Variants in TTC39C observed in about 807,000 individuals in gnomAD.
TTC39C encodes tetratricopeptide repeat domain 39C, also known as tetratricopeptide repeat protein 39C.
In TTC39C, 33 loss-of-function variants were observed where a neutral mutation model predicts 76.3. The observed-to-expected ratio is 0.43, with a 90% CI of 0.33 to 0.58. TTC39C has a LOEUF of 0.58. Among genes scored for constraint, TTC39C ranks in the 20% least tolerant of loss-of-function variants. TTC39C has a pLI of 0.04. For synonymous variants in TTC39C, 254 were observed against 260.6 expected (o/e 0.97, Z 0.24); for missense variants, 595 against 701.4 (o/e 0.85, Z 1.71).
chr18:24,114,117 C>A, intron 6 of TTC39C: 1 of 266,796 alleles, frequency 3.7e-6, no homozygotes, highest in Non-Finnish European at 7.2e-6. Flanking sequence ...AATATGGTCC[C>A]TTCCCTTTCC....
intron 1 of TTC39C, among the ~76,000 whole-genome samples, chr18:24,052,953 G>A (rs2083971045): frequency 6.6e-6 from 1 of 152,158 alleles, no homozygotes; most frequent in Non-Finnish European, 1.5e-5. Flanking sequence ...AACTTTTTAG[G>A]AGAATCACAG....
In TTC39C at chr18:24,125,661, G is replaced by C. The variant is rs575714304; in HGVS notation, c.1420+111G>C. ...TTCATGTTTATCTCATCGGAGTCAG[G>C]GAGAGTACACATCTCTCCTTAGATA... On this transcript the variant is annotated intron_variant, in intron 10 of 13. Transcript: ENST00000317571. 65 of 1,370,968 alleles carry C rather than the reference G, an allele frequency of 4.7e-5. No homozygotes were observed. In the African/African-American group the frequency reaches 8.8e-4, roughly 19 times the overall value. The allele number at this position is 1,370,968 out of a possible 1,614,324, so 84.9% of individuals were successfully genotyped here. A position where few individuals can be genotyped will look rare whatever the true frequency, so the allele number is the denominator to read the frequency against.
chr18:24,112,222 T>G (rs2084824011), intron 6 of TTC39C, among the ~76,000 whole-genome samples: 1 of 152,240 alleles, frequency 6.6e-6, no homozygotes, highest in African/African-American at 2.4e-5. Flanking sequence ...CTCTCCTATG[T>G]GTGTCACTTT....
intron 1 of TTC39C, among the ~76,000 whole-genome samples, chr18:23,996,936 C>T (rs1175464069): frequency 1.3e-5 from 2 of 151,826 alleles, no homozygotes; most frequent in Admixed American, 6.6e-5. Context: ...AGTGAAACCC[C>T]GTCTCTACTA....
At chr18:24,021,824 C>T (rs1410203594) in intron 1 of TTC39C, among the ~76,000 whole-genome samples, 2 of 152,168 alleles carry the variant, frequency 1.3e-5, no homozygotes, top group Non-Finnish European at 2.9e-5. Flanking sequence ...CAGGAAAACT[C>T]AGTTATTACA....
intron 1 of TTC39C, among the ~76,000 whole-genome samples, chr18:24,002,953 C>A (rs776114541): frequency 6.6e-6 from 1 of 152,180 alleles, no homozygotes; most frequent in Non-Finnish European, 1.5e-5. Flanking sequence ...AATTAAAATT[C>A]ATATTAATTT....
At chr18:24,061,681 A>G (rs1055715971) in intron 1 of TTC39C, among the ~76,000 whole-genome samples, 2 of 151,776 alleles carry the variant, frequency 1.3e-5, no homozygotes, top group African/African-American at 2.4e-5. Flanking sequence ...AGGAGGGCAG[A>G]TCACTTGAGG....
intron 1 of TTC39C, among the ~76,000 whole-genome samples, chr18:24,021,561 T>TC (rs144136079): frequency 1.2e-4 from 17 of 144,314 alleles, no homozygotes; most frequent in Admixed American, 6.3e-4. Context: ...TTTTTTTTTT[T>TC]CCGAGACAGA....
rs538688685 is a variant in TTC39C at position 24,020,072 on chromosome 18, G to T, written c.167+5034G>T. On this transcript the variant is annotated intron_variant, in intron 1 of 13. Transcript: ENST00000317571. Reference sequence around the variant, plus strand: ...AGAATGTGTCTCTGCCTTGCTCCTGGAGACGATAGGAGAGTCCACAGATGC... The same window carrying T: ...AGAATGTGTCTCTGCCTTGCTCCTGTAGACGATAGGAGAGTCCACAGATGC... The T allele has an allele frequency of 3.0e-6, 4 of 1,348,280 alleles. No homozygotes were observed. In the South Asian group the frequency reaches 8.0e-5, roughly 27 times the overall value. The allele number at this position is 1,348,280 out of a possible 1,614,324, so 83.5% of individuals were successfully genotyped here. A position where few individuals can be genotyped will look rare whatever the true frequency, so the allele number is the denominator to read the frequency against.
chr18:23,994,731 T>C (rs532382899), intron 1 of TTC39C, among the ~76,000 whole-genome samples: 2 of 152,152 alleles, frequency 1.3e-5, no homozygotes, highest in Admixed American at 6.5e-5. Context: ...TCTCAGCAGA[T>C]GAAATGCTAG....
intron 1 of TTC39C, among the ~76,000 whole-genome samples, chr18:24,045,559 GT>G (rs2083858083): frequency 6.6e-6 from 1 of 151,926 alleles, no homozygotes; most frequent in South Asian, 2.1e-4. Context: ...AGTTTTCACT[GT>G]CTGTATTTCT....
At chr18:24,017,900 G>A (rs2083473491) in intron 1 of TTC39C, among the ~76,000 whole-genome samples, 1 of 152,126 alleles carries the variant, frequency 6.6e-6, no homozygotes, top group African/African-American at 2.4e-5. Flanking sequence ...TTTTATTAAA[G>A]CAAGAAGGTC....
At chr18:24,122,933 T>C (rs2084990470) in intron 8 of TTC39C, among the ~76,000 whole-genome samples, 1 of 152,236 alleles carries the variant, frequency 6.6e-6, no homozygotes, top group South Asian at 2.1e-4. Flanking sequence ...ACTACATACA[T>C]TGCAGCTTGT....
intron 1 of TTC39C, among the ~76,000 whole-genome samples, chr18:24,036,345 A>G (rs527447971): frequency 6.6e-6 from 1 of 152,346 alleles, no homozygotes; most frequent in East Asian, 1.9e-4. Flanking sequence ...CTCCTAATCC[A>G]TGAACATGGA....
intron 1 of TTC39C, among the ~76,000 whole-genome samples, chr18:24,009,471 G>A (rs1318866602): frequency 6.6e-6 from 1 of 152,216 alleles, no homozygotes; most frequent in Non-Finnish European, 1.5e-5. Flanking sequence ...CATGAGGAGG[G>A]ACCAAAGGAG....
chr18:24,069,519 G>T (rs1024589883), intron 4 of TTC39C, among the ~76,000 whole-genome samples: 2 of 152,118 alleles, frequency 1.3e-5, no homozygotes, highest in Non-Finnish European at 2.9e-5. Context: ...GACAGAAATT[G>T]CTACTGCCTC....
At chr18:24,022,832 T>C (rs2083533385) in intron 1 of TTC39C, 2 of 985,448 alleles carry the variant, frequency 2.0e-6, no homozygotes, top group Non-Finnish European at 2.4e-6. Context: ...TGGAATATTT[T>C]ACGTCATCCA....
At chr18:24,063,911 G>T (rs1348794770) in intron 1 of TTC39C, among the ~76,000 whole-genome samples, 1 of 152,096 alleles carries the variant, frequency 6.6e-6, no homozygotes, top group African/African-American at 2.4e-5. Flanking sequence ...CTTTTTGTTT[G>T]CCTTGCTTTG....
At chr18:24,052,888 G>A (rs2083970343) in intron 1 of TTC39C, among the ~76,000 whole-genome samples, 3 of 152,204 alleles carry the variant, frequency 2.0e-5, no homozygotes, top group Admixed American at 2.0e-4. Context: ...GGCCTGTTGG[G>A]AGGAGGAGAC....
Sources: gnomAD v4.1 joint callset for allele counts (sites outside exome capture counted in the v4.1 genomes callset) on GRCh38, gnomAD v4.1.1 for gene constraint, MANE v1.5 for transcripts, NCBI Gene and HGNC (gene_info 2026-07-23, HGNC 2026-07-21) for gene names.